WDR89: variants seen among roughly 807,000 people sequenced by gnomAD.
WDR89 encodes the protein WD repeat domain 89.
Under a neutral mutation model 29.1 loss-of-function variants are expected in WDR89, and 17 were observed. The observed-to-expected ratio is 0.58, with a 90% confidence interval of 0.40 to 0.88. WDR89 has a LOEUF of 0.88. WDR89 is among the 40% of genes least tolerant of loss of function. The pLI, the probability that WDR89 is intolerant of heterozygous loss-of-function variation, is 0.00. For synonymous variants in WDR89, 138 were observed against 157.8 expected (o/e 0.87, Z 0.94); for missense variants, 396 against 456.3 (o/e 0.87, Z 1.20).
chr14:63,625,533 A>G (rs764366832), intron 1 of WDR89, among the ~76,000 whole-genome samples: 4 of 152,340 alleles, frequency 2.6e-5, no homozygotes, highest in Non-Finnish European at 4.4e-5. Context: ...CCAAAGGCAA[A>G]CAAAACATAA....
In WDR89 at chr14:63,599,226, TTCA is replaced by T; in HGVS notation, c.714_716del (p.Asp238del). On this transcript the variant is annotated inframe_deletion, in exon 3 of 3. Coordinates refer to ENST00000620954, the MANE Select transcript of WDR89 (RefSeq NM_080666.4). ...GATTAAGATCCCACCAATAAAATCC[TTCA>T]TCATGTGTCATGCAGTAAATCTGTT... is the stretch of plus-strand genomic sequence containing the variant. 6.2e-7 allele frequency: 1 copy of T among 1,605,518 alleles called. No homozygotes were observed.
At chr14:63,628,836 T>A (rs1308484204) in intron 1 of WDR89, among the ~76,000 whole-genome samples, 9 of 151,868 alleles carry the variant, frequency 5.9e-5, no homozygotes, top group Non-Finnish European at 2.9e-5. Context: ...GTGACGTGCA[T>A]GCCTGTGGTC....
chr14:63,630,023 C>T (rs571238448), intron 1 of WDR89, among the ~76,000 whole-genome samples: 229 of 152,248 alleles, frequency 1.5e-3, no homozygotes, highest in Non-Finnish European at 2.7e-3. Context: ...TCTTGGCTCA[C>T]TGCAACTGCT....
In WDR89 at chr14:63,627,353, C is replaced by T. The variant is rs760755190; in HGVS notation, c.-137-2320G>A. On this transcript the variant is annotated intron_variant, in intron 1 of 2. Transcript: ENST00000620954. ...GAATTGTAATAACAAAAAAACCTAA[C>T]AGCCTGAATATCCATTAATTGGGAA... Among the ~76,000 whole-genome samples the T allele has an allele frequency of 1.4e-4, 21 of 152,006 alleles. 1 individual carries two copies. The highest frequency in any genetic ancestry group is 2.5e-4 in the Non-Finnish European group (17 of 68,014).
intron 2 of WDR89, among the ~76,000 whole-genome samples, chr14:63,608,279 T>G (rs961476554): frequency 5.3e-5 from 8 of 152,014 alleles, no homozygotes; most frequent in Admixed American, 2.6e-4. Context: ...GCATGGTGAC[T>G]TACACCTGTA....
intron 1 of WDR89, among the ~76,000 whole-genome samples, chr14:63,633,294 C>T (rs1030451811): frequency 9.9e-5 from 15 of 151,740 alleles, no homozygotes; most frequent in Non-Finnish European, 2.1e-4. Flanking sequence ...AAGGTGAATT[C>T]ACAATACAAA....
At chr14:63,625,459 A>G (rs17101322) in intron 1 of WDR89, among the ~76,000 whole-genome samples, 4,831 of 152,274 alleles carry the variant, frequency 0.032, 266 homozygotes, top group African/African-American at 0.11. Context: ...ACATACTTAC[A>G]AAGTTTAAAA....
At chr14:63,625,557 A>C (rs1263526388) in intron 1 of WDR89, among the ~76,000 whole-genome samples, 1 of 152,192 alleles carries the variant, frequency 6.6e-6, no homozygotes, top group Non-Finnish European at 1.5e-5. Flanking sequence ...GTCATAGGCA[A>C]AACTAATGTA....
chr14:63,631,967 C>T (rs1883433688), intron 1 of WDR89, among the ~76,000 whole-genome samples: 1 of 151,712 alleles, frequency 6.6e-6, no homozygotes, highest in South Asian at 2.1e-4. Context: ...GAAAAATTAG[C>T]CGGGCGTGAT....
At chr14:63,620,976 G>A (rs1345595943) in intron 2 of WDR89, among the ~76,000 whole-genome samples, 2 of 151,550 alleles carry the variant, frequency 1.3e-5, no homozygotes, top group African/African-American at 4.9e-5. Flanking sequence ...AAAAATGTAT[G>A]TAAGGCAGTG....
At chr14:63,627,140 ACACACACACACTCT>A (rs1372267516) in intron 1 of WDR89, among the ~76,000 whole-genome samples, 3 of 129,180 alleles carry the variant, frequency 2.3e-5, no homozygotes, top group African/African-American at 9.6e-5. Context: ...ACACACACAC[ACACACACACACTCT>A]CTCTCTCTCT....
At chr14:63,636,446 C>A (rs1297553177) in intron 1 of WDR89, among the ~76,000 whole-genome samples, 2 of 152,116 alleles carry the variant, frequency 1.3e-5, no homozygotes, top group Admixed American at 1.3e-4. Context: ...AAAAAGGAGC[C>A]CGCATAGCCA....
At chr14:63,620,765 G>A (rs1882645797) in intron 2 of WDR89, among the ~76,000 whole-genome samples, 1 of 151,842 alleles carries the variant, frequency 6.6e-6, no homozygotes, top group Non-Finnish European at 1.5e-5. Context: ...GGGCATGGTG[G>A]CAAGTACCTG....
At chr14:63,601,268 A>G (rs181348278) in intron 2 of WDR89, among the ~76,000 whole-genome samples, 1 of 152,020 alleles carries the variant, frequency 6.6e-6, no homozygotes, top group East Asian at 1.9e-4. Flanking sequence ...GGTTCCCAGT[A>G]TAGAATCCTG....
At chr14:63,620,287 C>T (rs1882613417) in intron 2 of WDR89, among the ~76,000 whole-genome samples, 1 of 152,068 alleles carries the variant, frequency 6.6e-6, no homozygotes, top group African/African-American at 2.4e-5. Context: ...ATTTGTGAAA[C>T]AGGGATAAAT....
At chr14:63,613,821 CTTTTT>C (rs751893850) in intron 2 of WDR89, among the ~76,000 whole-genome samples, 22 of 121,038 alleles carry the variant, frequency 1.8e-4, no homozygotes, top group African/African-American at 2.4e-4. Flanking sequence ...TTTTAAACAT[CTTTTT>C]TTTTTTTTTT....
At chr14:63,616,738 A>C (rs1323280961) in intron 2 of WDR89, among the ~76,000 whole-genome samples, 1 of 152,188 alleles carries the variant, frequency 6.6e-6, no homozygotes, top group Non-Finnish European at 1.5e-5. Context: ...AGAACTTTGA[A>C]TTTTATTCTC....
intron 1 of WDR89, among the ~76,000 whole-genome samples, chr14:63,638,415 C>G (rs1883889282): frequency 6.6e-6 from 1 of 152,138 alleles, no homozygotes; most frequent in Admixed American, 6.5e-5. Context: ...AGTGAGAACC[C>G]TATCTCTAAA....
intron 1 of WDR89, among the ~76,000 whole-genome samples, chr14:63,636,811 T>A (rs1883766203): frequency 6.6e-6 from 1 of 152,080 alleles, no homozygotes; most frequent in Non-Finnish European, 1.5e-5. Context: ...AACTAACAAT[T>A]CTAGAAGACA....
Sources: gnomAD v4.1 joint callset for allele counts (sites outside exome capture counted in the v4.1 genomes callset) on GRCh38, gnomAD v4.1.1 for gene constraint, MANE v1.5 for transcripts, NCBI Gene and HGNC (gene_info 2026-07-23, HGNC 2026-07-21) for gene names.